Variants in L3MBTL4 observed in about 807,000 individuals in gnomAD.
L3MBTL4 encodes L3MBTL histone methyl-lysine binding protein 4.
L3MBTL4 carries 70 observed loss-of-function variants against 84.5 expected under a neutral mutation model. The ratio of observed to expected loss-of-function variants is 0.83; its 90% confidence interval spans 0.68 to 1.01. L3MBTL4 has a LOEUF of 1.01. Ranked by LOEUF, L3MBTL4 falls within the 50% of genes least tolerant of loss-of-function variation. L3MBTL4 has a pLI of 0.00. For missense variants in L3MBTL4, 715 were observed against 754.8 expected (o/e 0.95, Z 0.62); for synonymous variants, 274 against 259.8 (o/e 1.05, Z -0.52).
At chr18:6,020,644 G>C (rs537513516) in intron 16 of L3MBTL4, among the ~76,000 whole-genome samples, 1 of 152,222 alleles carries the variant, frequency 6.6e-6, no homozygotes, top group African/African-American at 2.4e-5. Flanking sequence ...CAAAAGCAGA[G>C]AGGGAGAGAA....
chr18:6,012,402 G>A (rs9945752), intron 16 of L3MBTL4, among the ~76,000 whole-genome samples: 6,635 of 152,256 alleles, frequency 0.044, 528 homozygotes, highest in African/African-American at 0.15. Flanking sequence ...CAAATCTCTG[G>A]TGTAGATAAT....
chr18:5,987,364 C>T (rs955846028), intron 16 of L3MBTL4, among the ~76,000 whole-genome samples: 1 of 152,336 alleles, frequency 6.6e-6, no homozygotes, highest in Non-Finnish European at 1.5e-5. Context: ...TTGCACTGTC[C>T]CCTCCCTCAC....
intron 16 of L3MBTL4, among the ~76,000 whole-genome samples, chr18:6,003,086 A>T (rs1171315550): frequency 2.1e-5 from 2 of 95,812 alleles, no homozygotes; most frequent in African/African-American, 9.5e-5. Context: ...ATACTATATA[A>T]AATATAGTAT....
intron 17 of L3MBTL4, among the ~76,000 whole-genome samples, chr18:5,968,487 C>T (rs2052461528): frequency 6.6e-6 from 1 of 151,932 alleles, no homozygotes; most frequent in African/African-American, 2.4e-5. Flanking sequence ...CGCTTGAGGC[C>T]AGGAGTTCGA....
intron 10 of L3MBTL4, among the ~76,000 whole-genome samples, chr18:6,216,082 C>T (rs1475049747): frequency 6.6e-6 from 1 of 152,104 alleles, no homozygotes; most frequent in Admixed American, 6.6e-5. Context: ...AGTGAGTTGG[C>T]CAAGGTCAAA....
At chr18:6,008,422 G>T (rs1267804638) in intron 16 of L3MBTL4, among the ~76,000 whole-genome samples, 1 of 152,158 alleles carries the variant, frequency 6.6e-6, no homozygotes, top group Non-Finnish European at 1.5e-5. Context: ...CTTAATTTGG[G>T]CTACAACAAA....
intron 12 of L3MBTL4, among the ~76,000 whole-genome samples, chr18:6,211,863 G>T (rs1328251604): frequency 1.3e-5 from 2 of 152,060 alleles, no homozygotes; most frequent in East Asian, 3.9e-4. Flanking sequence ...TGGCCAGGCT[G>T]GTCTCAAACT....
chr18:6,160,320 A>T (rs2043273807), intron 13 of L3MBTL4, among the ~76,000 whole-genome samples: 1 of 152,180 alleles, frequency 6.6e-6, no homozygotes. Context: ...GTTCGGAGTC[A>T]GTGTTGCAAG....
chr18:6,280,163 C>A (rs2049264438), intron 4 of L3MBTL4, among the ~76,000 whole-genome samples: 1 of 152,180 alleles, frequency 6.6e-6, no homozygotes, highest in African/African-American at 2.4e-5. Flanking sequence ...AGTTCACTAG[C>A]AGATCACTTG....
At chr18:5,967,408 G>A (rs763521084) in intron 17 of L3MBTL4, among the ~76,000 whole-genome samples, 5 of 152,218 alleles carry the variant, frequency 3.3e-5, no homozygotes, top group Non-Finnish European at 7.3e-5. Flanking sequence ...TGCACAGGGC[G>A]TGGTGCACGT....
At chr18:6,370,015 T>A (rs778330363) in intron 1 of L3MBTL4, among the ~76,000 whole-genome samples, 1 of 151,890 alleles carries the variant, frequency 6.6e-6, no homozygotes, top group African/African-American at 2.4e-5. Context: ...GTGCCTGTAG[T>A]CTCAGCTACT....
intron 1 of L3MBTL4, among the ~76,000 whole-genome samples, chr18:6,412,737 T>C (rs2056021362): frequency 6.6e-6 from 1 of 152,030 alleles, no homozygotes; most frequent in Non-Finnish European, 1.5e-5. Flanking sequence ...CCAAGTCCCA[T>C]GCCAAGCAAA....
chr18:6,021,359 G>A (rs2055246591), intron 16 of L3MBTL4, among the ~76,000 whole-genome samples: 1 of 152,176 alleles, frequency 6.6e-6, no homozygotes, highest in Admixed American at 6.5e-5. Context: ...CCATGTAGCT[G>A]TGGGAGGCAC....
At chr18:6,317,591 G>A (rs1340337984) in intron 1 of L3MBTL4, among the ~76,000 whole-genome samples, 1 of 152,086 alleles carries the variant, frequency 6.6e-6, no homozygotes, top group Non-Finnish European at 1.5e-5. Context: ...AACTCTCCAG[G>A]GAACTTGGGA....
intron 4 of L3MBTL4, among the ~76,000 whole-genome samples, chr18:6,295,309 A>ACTCTCTCTCTCTCTCT (rs58507219): frequency 1.6e-5 from 1 of 62,744 alleles, no homozygotes. Flanking sequence ...AACAACAACA[A>ACTCTCTCTCTCTCTCT]CTCTCTCTCT....
Position 6,213,179 on chromosome 18 carries a change from C to T in L3MBTL4, c.951G>A (p.Thr317=), listed in dbSNP as rs773765938. Residue 317 remains threonine, a synonymous_variant, in exon 12 of 19, where the codon ACG becomes ACA. Transcript: ENST00000317931. ...KRNPRLIRVA[T]IVDVDDQRVK... ...CTCTTTGGTCATCAACATCTACAAT[C>T]GTAGCAACACGAATTAACCTGGGGT... The T allele has an allele frequency of 3.9e-5, 63 of 1,605,748 alleles. No homozygotes were observed. The highest frequency in any genetic ancestry group is 2.2e-4 in the East Asian group (10 of 44,734).
rs73938800 is a variant in L3MBTL4, at chr18:6,214,310, A to G, written c.871-1051T>C. ...ACCAAGAGTCTATAACCACAGACAC[A>G]CAGGGATTCATAATCACGGAGTAAG... On this transcript the variant is annotated intron_variant, in intron 11 of 18. Coordinates refer to ENST00000317931, the MANE Select transcript of L3MBTL4 (RefSeq NM_001330559.2). Among the ~76,000 whole-genome samples the G allele has an allele frequency of 6.7e-3, 1,022 of 152,318 alleles. 16 individuals are homozygous for G. The highest frequency in any genetic ancestry group is 0.023 in the African/African-American group (977 of 41,576).
At chr18:6,305,153 C>A (rs1161824743) in intron 3 of L3MBTL4, among the ~76,000 whole-genome samples, 2 of 152,106 alleles carry the variant, frequency 1.3e-5, no homozygotes, top group Non-Finnish European at 2.9e-5. Flanking sequence ...ACATATATAT[C>A]TATAACATAC....
At chr18:5,974,167 C>G (rs659898) in intron 16 of L3MBTL4, among the ~76,000 whole-genome samples, 1 of 151,952 alleles carries the variant, frequency 6.6e-6, no homozygotes, top group Non-Finnish European at 1.5e-5. Flanking sequence ...ATGGGTGTTT[C>G]TTTTGGATTT....
Sources: gnomAD v4.1 joint callset for allele counts (sites outside exome capture counted in the v4.1 genomes callset) on GRCh38, gnomAD v4.1.1 for gene constraint, MANE v1.5 for transcripts, NCBI Gene and HGNC (gene_info 2026-07-23, HGNC 2026-07-21) for gene names.